FBXL7: variants seen among roughly 807,000 people sequenced by gnomAD.
FBXL7 encodes the protein F-box and leucine rich repeat protein 7.
A neutral mutation model predicts 38.3 loss-of-function variants in FBXL7; 12 were observed. That is an observed-to-expected ratio of 0.31 (90% CI 0.20 to 0.51). The LOEUF (loss-of-function observed/expected upper bound fraction) is 0.51, where lower values mean the gene tolerates loss of function less well. Ranked by LOEUF, FBXL7 falls within the 20% of genes least tolerant of loss-of-function variation. The probability of loss-of-function intolerance (pLI) is 0.98; values close to 1 mark genes in which losing one functional copy is unlikely to be tolerated. For missense variants in FBXL7, 567 were observed against 676.4 expected (o/e 0.84, Z 1.79); for synonymous variants, 297 against 300.9 (o/e 0.99, Z 0.13).
At chr5:15,661,673 T>C (rs1026044806) in intron 2 of FBXL7, among the ~76,000 whole-genome samples, 1 of 152,222 alleles carries the variant, frequency 6.6e-6, no homozygotes, top group African/African-American at 2.4e-5. Flanking sequence ...CCAGTAGTTA[T>C]ATTTTCTGCT....
chr5:15,845,623 TACTTA>T (rs201204848), intron 2 of FBXL7, among the ~76,000 whole-genome samples: 85 of 152,292 alleles, frequency 5.6e-4, no homozygotes, highest in Admixed American at 2.8e-3. Flanking sequence ...ATTATATCAT[TACTTA>T]ACTTCTTTTT....
chr5:15,677,648 CTT>C (rs77112500), intron 2 of FBXL7, among the ~76,000 whole-genome samples: 14,251 of 152,028 alleles, frequency 0.094, 762 homozygotes, highest in South Asian at 0.13. Context: ...TCAGTGAAAT[CTT>C]TTTTAGTTTG....
At chr5:15,874,876 C>T (rs1740132918) in intron 2 of FBXL7, among the ~76,000 whole-genome samples, 1 of 152,146 alleles carries the variant, frequency 6.6e-6, no homozygotes, top group African/African-American at 2.4e-5. Flanking sequence ...CCCCATCAAG[C>T]TACCATTGAC....
At chr5:15,764,539 G>A (rs1736533971) in intron 2 of FBXL7, among the ~76,000 whole-genome samples, 1 of 152,172 alleles carries the variant, frequency 6.6e-6, no homozygotes, top group African/African-American at 2.4e-5. Flanking sequence ...CCCGTGATGA[G>A]GAGGGATAGG....
Position 15,500,585 on chromosome 5 carries a change from C to T in FBXL7, c.-92C>T. The stretch of plus-strand genomic sequence containing the variant: ...TTGGGGGGGATGTGCAGCTAACGGT[C>T]CCGTCGGGCGGGCTTTCCTCGGGCC... On this transcript the variant is annotated 5_prime_UTR_variant, in exon 1 of 4. Coordinates refer to ENST00000504595, the MANE Select transcript of FBXL7 (RefSeq NM_012304.5). 1 of 1,564,962 alleles carries T rather than the reference C, an allele frequency of 6.4e-7. No individual in the cohort carries two copies. Among genetic ancestry groups the T allele is most frequent in the Non-Finnish European group, 8.8e-7 (1 of 1,135,578 alleles).
intron 2 of FBXL7, among the ~76,000 whole-genome samples, chr5:15,925,949 A>T (rs1054132566): frequency 1.3e-5 from 2 of 152,190 alleles, no homozygotes; most frequent in African/African-American, 4.8e-5. Flanking sequence ...GTCACGTGAG[A>T]TATTCAACAC....
chr5:15,519,594 C>T (rs865863206), intron 1 of FBXL7, among the ~76,000 whole-genome samples: 16 of 152,124 alleles, frequency 1.1e-4, no homozygotes, highest in South Asian at 4.1e-4. Flanking sequence ...TTCAGATCAC[C>T]ATTTGACGGA....
At chr5:15,895,615 T>C (rs1039651837) in intron 2 of FBXL7, among the ~76,000 whole-genome samples, 1 of 151,402 alleles carries the variant, frequency 6.6e-6, no homozygotes, top group Admixed American at 6.6e-5. Context: ...TTTTTGATGC[T>C]TAGGGCCCTT....
chr5:15,883,039 C>A (rs1260128655), intron 2 of FBXL7, among the ~76,000 whole-genome samples: 1 of 152,064 alleles, frequency 6.6e-6, no homozygotes, highest in African/African-American at 2.4e-5. Flanking sequence ...ATAATTATCT[C>A]ATCTTTCAAA....
intron 1 of FBXL7, among the ~76,000 whole-genome samples, chr5:15,531,813 C>T (rs993970313): frequency 6.6e-6 from 1 of 152,196 alleles, no homozygotes; most frequent in African/African-American, 2.4e-5. Context: ...TTCTCTCCCT[C>T]CCCTGCCTTT....
At chr5:15,892,185 C>A (rs2126383409) in intron 2 of FBXL7, among the ~76,000 whole-genome samples, 1 of 152,324 alleles carries the variant, frequency 6.6e-6, no homozygotes, top group African/African-American at 2.4e-5. Context: ...ATCTTGAAGA[C>A]AACACTCCAA....
intron 2 of FBXL7, among the ~76,000 whole-genome samples, chr5:15,758,042 C>T (rs1041250951): frequency 6.6e-6 from 1 of 152,064 alleles, no homozygotes; most frequent in Non-Finnish European, 1.5e-5. Context: ...TAACAGGTAG[C>T]ACCATGGAAT....
intron 1 of FBXL7, among the ~76,000 whole-genome samples, chr5:15,558,014 T>G (rs1738301692): frequency 6.6e-6 from 1 of 152,088 alleles, no homozygotes; most frequent in African/African-American, 2.4e-5. Context: ...AGAAGGAAAG[T>G]TATTGGTTTA....
chr5:15,592,154 T>C (rs1739497362), intron 1 of FBXL7, among the ~76,000 whole-genome samples: 1 of 152,188 alleles, frequency 6.6e-6, no homozygotes, highest in South Asian at 2.1e-4. Flanking sequence ...TCTGAGGAAA[T>C]GAGGCTCAGA....
Position 15,937,368 on chromosome 5 carries a change from C to T in FBXL7, c.*182C>T, listed in dbSNP as rs1292474530. ...GGCAACAGAGGCCAAAGAAACGAAG[C>T]AAGACAAACAGCAAACAGGCATTTT... is the stretch of plus-strand genomic sequence containing the variant. On this transcript the variant is annotated 3_prime_UTR_variant, in exon 4 of 4. Transcript: ENST00000504595. The T allele has an allele frequency of 1.4e-6, 1 of 730,396 alleles. No homozygotes were observed. The highest frequency in any genetic ancestry group is 2.1e-5 in the South Asian group (1 of 48,236). 45.2% of individuals were successfully genotyped at this position (730,396 alleles called of 1,614,324 possible).
chr5:15,685,742 G>A (rs1045441635), intron 2 of FBXL7, among the ~76,000 whole-genome samples: 9 of 152,180 alleles, frequency 5.9e-5, no homozygotes. Flanking sequence ...GGGTAGCAAT[G>A]CCTTCCTCAC....
intron 1 of FBXL7, among the ~76,000 whole-genome samples, chr5:15,585,904 G>T (rs1372139685): frequency 6.6e-6 from 1 of 152,180 alleles, no homozygotes; most frequent in African/African-American, 2.4e-5. Context: ...CCAGTGAATG[G>T]CTATTCCTGG....
rs1478971024 is a variant in FBXL7, at chr5:15,806,990, GC to G, written c.128-120897del. ...TTTGAGACGGAGTTTCGCTCTTGTT[GC>G]CCAGGCTGGAGTGCAAATGGCACAA... is the stretch of plus-strand genomic sequence containing the variant. On this transcript the variant is annotated intron_variant, in intron 2 of 3. Coordinates refer to ENST00000504595, the MANE Select transcript of FBXL7 (RefSeq NM_012304.5). Among the ~76,000 whole-genome samples, 5 of 151,702 alleles carry G rather than the reference GC, an allele frequency of 3.3e-5. No homozygotes were observed. The East Asian group carries it at 9.7e-4, about 30-fold the overall frequency.
chr5:15,530,058 A>G (rs562609893), intron 1 of FBXL7, among the ~76,000 whole-genome samples: 1 of 152,340 alleles, frequency 6.6e-6, no homozygotes, highest in South Asian at 2.1e-4. Context: ...TGTATCTCTT[A>G]GATAATACCC....
Sources: gnomAD v4.1 joint callset for allele counts (sites outside exome capture counted in the v4.1 genomes callset) on GRCh38, gnomAD v4.1.1 for gene constraint, MANE v1.5 for transcripts, NCBI Gene and HGNC (gene_info 2026-07-23, HGNC 2026-07-21) for gene names.